Variants in ITPR2 observed in about 807,000 individuals in gnomAD.
ITPR2 encodes inositol 1,4,5-trisphosphate-gated calcium channel ITPR2.
In ITPR2, 207 loss-of-function variants were observed where a neutral mutation model predicts 317.1. The ratio of observed to expected loss-of-function variants is 0.65; its 90% CI spans 0.58 to 0.73. The LOEUF (loss-of-function observed/expected upper bound fraction) is 0.73, where lower values mean the gene tolerates loss of function less well. ITPR2 is among the 30% of genes least tolerant of loss of function. The probability of loss-of-function intolerance (pLI) is 0.00; values close to 1 mark genes in which losing one functional copy is unlikely to be tolerated. For missense variants in ITPR2, 2,613 were observed against 3,284.0 expected (o/e 0.80, Z 4.99); for synonymous variants, 1,156 against 1,149.1 (o/e 1.01, Z -0.12).
At chr12:26,384,220 G>A (rs1303438766) in intron 55 of ITPR2, among the ~76,000 whole-genome samples, 1 of 152,212 alleles carries the variant, frequency 6.6e-6, no homozygotes, top group Non-Finnish European at 1.5e-5. Flanking sequence ...CTCTCTCTAG[G>A]AGGATAGTCA....
At chr12:26,396,928 A>G (rs1190718913) in intron 54 of ITPR2, among the ~76,000 whole-genome samples, 1 of 152,102 alleles carries the variant, frequency 6.6e-6, no homozygotes, top group Non-Finnish European at 1.5e-5. Context: ...TTTATCTCCT[A>G]AATATTTCTT....
At chr12:26,733,544 T>C (rs1016773931) in intron 2 of ITPR2, among the ~76,000 whole-genome samples, 1 of 152,130 alleles carries the variant, frequency 6.6e-6, no homozygotes, top group Non-Finnish European at 1.5e-5. Context: ...TATAATTAAA[T>C]GCTAAAACAT....
At chr12:26,538,690 C>T (rs1471858220) in intron 37 of ITPR2, among the ~76,000 whole-genome samples, 3 of 152,042 alleles carry the variant, frequency 2.0e-5, no homozygotes, top group African/African-American at 4.8e-5. Flanking sequence ...AATTCTTCTG[C>T]CTCACCCTCC....
chr12:26,483,570 T>C, intron 42 of ITPR2, 128 bp downstream of exon 42: 1 of 674,352 alleles, frequency 1.5e-6, no homozygotes, highest in Admixed American at 2.7e-5. Context: ...ATTCAGTCTT[T>C]GTATGTTTTA....
chr12:26,701,639 T>A (rs1482203647), intron 9 of ITPR2, among the ~76,000 whole-genome samples: 2 of 152,216 alleles, frequency 1.3e-5, no homozygotes, highest in Non-Finnish European at 2.9e-5. Context: ...TTTCACATAC[T>A]ATGGCTGATA....
chr12:26,452,592 T>C (rs1203729134), intron 45 of ITPR2, among the ~76,000 whole-genome samples: 1 of 152,078 alleles, frequency 6.6e-6, no homozygotes, highest in Non-Finnish European at 1.5e-5. Flanking sequence ...ATTAGGTCAT[T>C]AAGAGGGATT....
At chr12:26,591,014 G>A (rs1427384016) in intron 32 of ITPR2, among the ~76,000 whole-genome samples, 1 of 145,414 alleles carries the variant, frequency 6.9e-6, no homozygotes, top group South Asian at 2.3e-4. Flanking sequence ...CAGGAGGCAG[G>A]TGTTGCAGTG....
intron 9 of ITPR2, among the ~76,000 whole-genome samples, chr12:26,702,631 G>A (rs1948470779): frequency 6.6e-6 from 1 of 151,780 alleles, no homozygotes; most frequent in Admixed American, 6.6e-5. Context: ...TAGAGAGGGG[G>A]GTTTCACCAT....
At chr12:26,421,511 A>G (rs1274106984) in intron 49 of ITPR2, 3 of 152,242 alleles carry the variant, frequency 2.0e-5, no homozygotes. Flanking sequence ...TCCTTTCTTC[A>G]TGAAACTTAC....
chr12:26,580,190 T>A, intron 32 of ITPR2, 35 bp from the exon 33 acceptor site: 2 of 1,594,156 alleles, frequency 1.3e-6, no homozygotes, highest in Non-Finnish European at 8.5e-7. Flanking sequence ...ATATGTTTTA[T>A]CACATTTTTA....
At chr12:26,411,776 G>A (rs921465891) in intron 51 of ITPR2, among the ~76,000 whole-genome samples, 3 of 152,200 alleles carry the variant, frequency 2.0e-5, no homozygotes, top group African/African-American at 7.2e-5. Flanking sequence ...GCAGTTGGCA[G>A]TCCCTGAGCC....
At chr12:26,406,006 C>T (rs569013775) in intron 52 of ITPR2, among the ~76,000 whole-genome samples, 10 of 152,136 alleles carry the variant, frequency 6.6e-5, no homozygotes, top group South Asian at 4.1e-4. Flanking sequence ...CAGTCTTAAG[C>T]TTTAATTATA....
chr12:26,561,913 C>T lies in ITPR2; in HGVS notation c.4670G>A (p.Ser1557Asn). The T allele has an allele frequency of 6.5e-7, 1 of 1,545,022 alleles. No homozygotes were observed. Among genetic ancestry groups the T allele is most frequent in the South Asian group, 1.3e-5 (1 of 77,698 alleles). Reference protein sequence around the residue: ...RGIAIPVDLDSQVNTLFMKSH... With the variant: ...RGIAIPVDLDNQVNTLFMKSH... ...CTTCATGAAAAGAGTATTAACTTGG[C>T]TGTCCAAATCCACTGGAATGGCAAT... is the stretch of plus-strand genomic sequence containing the variant. The change falls in exon 35 of 57, where the codon AGC (serine) becomes AAC (asparagine). Residue 1557 changes from serine (S) to asparagine (N), a missense_variant. Ser to Asn is a conservative substitution (Grantham distance 46). Coordinates refer to ENST00000381340, the MANE Select transcript of ITPR2 (RefSeq NM_002223.4).
chr12:26,499,701 T>C lies in ITPR2; in HGVS notation c.5074-4441A>G, dbSNP rs73085284. Among the ~76,000 whole-genome samples the C allele has an allele frequency of 1.8e-3, 279 of 152,332 alleles. 2 individuals are homozygous for C. Among genetic ancestry groups the C allele is most frequent in the Middle Eastern group, 0.01 (3 of 294 alleles). On this transcript the variant is annotated intron_variant, in intron 37 of 56. Coordinates refer to ENST00000381340, the MANE Select transcript of ITPR2 (RefSeq NM_002223.4). ...AAGTGCTTTTGCAGACACTTTCTTA[T>C]GTTATACCAAACCTTCCCACAAAAG... is the stretch of plus-strand genomic sequence containing the variant.
At chr12:26,387,255 T>G (rs146593483) in intron 55 of ITPR2, among the ~76,000 whole-genome samples, 179 bp downstream of exon 55, 1 of 152,074 alleles carries the variant, frequency 6.6e-6, no homozygotes, top group African/African-American at 2.4e-5. Flanking sequence ...AACCAAGGAG[T>G]CTACTGGGAA....
chr12:26,692,117 G>GC (rs199783738), intron 10 of ITPR2, among the ~76,000 whole-genome samples: 321 of 151,830 alleles, frequency 2.1e-3, no homozygotes, highest in South Asian at 0.01. Context: ...CTGGTACACC[G>GC]CCCCCCCGCC....
chr12:26,476,136 A>G (rs536563934), intron 44 of ITPR2, among the ~76,000 whole-genome samples: 1 of 152,218 alleles, frequency 6.6e-6, no homozygotes, highest in South Asian at 2.1e-4. Context: ...ATTAAATCAA[A>G]CTTCACTTTG....
intron 36 of ITPR2, among the ~76,000 whole-genome samples, chr12:26,551,481 G>A (rs770712546): frequency 2.0e-5 from 3 of 152,208 alleles, no homozygotes; most frequent in Non-Finnish European, 2.9e-5. Flanking sequence ...CGACTCTGTG[G>A]TGACAGGACT....
intron 39 of ITPR2, 86 bp downstream of exon 39, chr12:26,494,067 A>G (rs1942874509): frequency 9.3e-7 from 1 of 1,070,912 alleles, no homozygotes; most frequent in Admixed American, 2.7e-5. Flanking sequence ...AGCTAAAAGA[A>G]ACACATTACT....
Sources: gnomAD v4.1 joint callset for allele counts (sites outside exome capture counted in the v4.1 genomes callset) on GRCh38, gnomAD v4.1.1 for gene constraint, MANE v1.5 for transcripts, NCBI Gene and HGNC (gene_info 2026-07-23, HGNC 2026-07-21) for gene names.